STARD13: variants seen among roughly 807,000 people sequenced by gnomAD.
The protein encoded by STARD13 is stAR-related lipid transfer protein 13.
Under a neutral mutation model 106.4 loss-of-function variants are expected in STARD13, and 62 were observed. The ratio of observed to expected loss-of-function variants is 0.58; its 90% confidence interval spans 0.48 to 0.72. The LOEUF (loss-of-function observed/expected upper bound fraction) is 0.72. Among genes scored for constraint, STARD13 ranks in the 30% least tolerant of loss-of-function variants. STARD13 has a pLI of 0.00. For missense variants in STARD13, 1,387 were observed against 1,424.0 expected, an observed-to-expected ratio of 0.97 and a Z score of 0.42; for synonymous variants, 565 against 553.0, an observed-to-expected ratio of 1.02 and a Z score of -0.31.
At chr13:33,499,689 TTCTTCC>T in the STARD13 span, among the ~76,000 whole-genome samples, 13,912 of 126,248 alleles carry the variant, frequency 0.11, 2,247 homozygotes, top group African/African-American at 0.27. Context: ...CCTCTTTCTC[TTCTTCC>T]TCTTCCTCTT....
the STARD13 span, among the ~76,000 whole-genome samples, chr13:33,526,950 T>C: frequency 6.6e-6 from 1 of 152,130 alleles, no homozygotes. Context: ...TTTGAAGTGT[T>C]GTTTTTAGAA....
At chr13:33,334,813 A>T (rs2077875891) in intron 1 of STARD13, among the ~76,000 whole-genome samples, 1 of 152,166 alleles carries the variant, frequency 6.6e-6, no homozygotes, top group Non-Finnish European at 1.5e-5. Context: ...GTAAACTAAC[A>T]CCTGGAAAGG....
intron 3 of STARD13, 113 bp from the exon 4 acceptor site, chr13:33,142,486 T>G (rs1480797098): frequency 1.1e-5 from 10 of 923,488 alleles, no homozygotes; most frequent in Non-Finnish European, 1.7e-5. Context: ...CAACCAATTA[T>G]GTCCCAAGAC....
chr13:33,143,614 G>A (rs547984006), intron 3 of STARD13, among the ~76,000 whole-genome samples: 38 of 152,238 alleles, frequency 2.5e-4, no homozygotes, highest in South Asian at 1.7e-3. Context: ...GTGCAGTTTC[G>A]CAATCTCCGG....
chr13:33,536,255 C>T, the STARD13 span, among the ~76,000 whole-genome samples: 27 of 152,162 alleles, frequency 1.8e-4, no homozygotes, highest in African/African-American at 4.3e-4. Context: ...TTACATCATA[C>T]GTATTTTTAA....
chr13:33,129,832 C>T lies in STARD13; in HGVS notation c.845G>A (p.Gly282Asp), dbSNP rs1468278317. The change falls in exon 5 of 14, where the codon GGT becomes GAT. Residue 282 changes from glycine (G) to aspartate (D), a missense_variant. Transcript: ENST00000336934. ...HGRHKGSGRT[G>D]GLVISGPMLQ... is the part of the protein sequence containing the mutation. Reference sequence around the variant, plus strand: ...CATGGGCCCACTGATCACCAGGCCACCTGTCCGCCCAGACCCCTTATGCCT... The same window carrying T: ...CATGGGCCCACTGATCACCAGGCCATCTGTCCGCCCAGACCCCTTATGCCT... 6.2e-7 allele frequency: 1 copy of T among 1,613,078 alleles called. No homozygotes were observed. Among genetic ancestry groups the T allele is most frequent in the Non-Finnish European group, 8.5e-7 (1 of 1,180,034 alleles).
the STARD13 span, among the ~76,000 whole-genome samples, chr13:33,505,798 C>A: frequency 6.6e-6 from 1 of 152,204 alleles, no homozygotes; most frequent in South Asian, 2.1e-4. Context: ...GGTGGGTCCT[C>A]CACAAATATA....
chr13:33,323,600 C>G (rs895138312), intron 1 of STARD13, among the ~76,000 whole-genome samples: 3 of 152,216 alleles, frequency 2.0e-5, no homozygotes, highest in African/African-American at 7.2e-5. Context: ...ATACATGGTA[C>G]TTAGCTTCTC....
intron 8 of STARD13, among the ~76,000 whole-genome samples, chr13:33,116,368 A>G (rs1326831087): frequency 6.6e-6 from 1 of 152,080 alleles, no homozygotes; most frequent in African/African-American, 2.4e-5. Context: ...AAATTCTCCA[A>G]ATTTGTTGTG....
the STARD13 span, among the ~76,000 whole-genome samples, chr13:33,643,680 C>T: frequency 2.6e-5 from 4 of 152,250 alleles, no homozygotes; most frequent in African/African-American, 7.2e-5. Flanking sequence ...TGAACGGGTG[C>T]CAGTCTGCCA....
At chr13:33,334,127 A>G (rs1372919330) in intron 1 of STARD13, 4 of 152,262 alleles carry the variant, frequency 2.6e-5, no homozygotes, top group African/African-American at 9.6e-5. Context: ...AATAAGTCAT[A>G]TAATCTATCA....
the STARD13 span, among the ~76,000 whole-genome samples, chr13:33,576,886 A>C: frequency 6.6e-6 from 1 of 152,322 alleles, no homozygotes; most frequent in South Asian, 2.1e-4. Flanking sequence ...TTATAAAGGC[A>C]TTCTTAGTGA....
the STARD13 span, among the ~76,000 whole-genome samples, chr13:33,451,863 A>G: frequency 2.0e-5 from 3 of 152,212 alleles, no homozygotes; most frequent in Non-Finnish European, 4.4e-5. Context: ...GGAATAGGTT[A>G]ATAGAAAAGG....
the STARD13 span, among the ~76,000 whole-genome samples, chr13:33,624,407 C>G: frequency 1.3e-5 from 2 of 152,238 alleles, no homozygotes; most frequent in African/African-American, 4.8e-5. Context: ...TGCCTCTGTG[C>G]TTTTCAGTGC....
At chr13:33,469,627 A>G in the STARD13 span, among the ~76,000 whole-genome samples, 1 of 152,174 alleles carries the variant, frequency 6.6e-6, no homozygotes, top group Non-Finnish European at 1.5e-5. Context: ...ATTAGAGTAG[A>G]GGGATAGGGA....
chr13:33,117,814 T>A, intron 8 of STARD13: 1 of 982,962 alleles, frequency 1.0e-6, no homozygotes. Context: ...TTGTTTTAGA[T>A]CATACACAAA....
intron 1 of STARD13, among the ~76,000 whole-genome samples, chr13:33,218,457 C>T (rs1254355760): frequency 6.6e-6 from 1 of 152,196 alleles, no homozygotes; most frequent in East Asian, 1.9e-4. Context: ...TCTCAATAAA[C>T]CCTATGTCTC....
chr13:33,308,318 T>A (rs1013560953), intron 1 of STARD13, among the ~76,000 whole-genome samples: 2 of 152,206 alleles, frequency 1.3e-5, no homozygotes, highest in Non-Finnish European at 2.9e-5. Flanking sequence ...AGCTGAAGAC[T>A]GTTTTGAGGC....
intron 3 of STARD13, among the ~76,000 whole-genome samples, chr13:33,151,577 G>A (rs1881284689): frequency 6.6e-6 from 1 of 152,208 alleles, no homozygotes; most frequent in Non-Finnish European, 1.5e-5. Context: ...GAATTCCAAT[G>A]TGAGATTTGG....
Sources: gnomAD v4.1 joint callset for allele counts (sites outside exome capture counted in the v4.1 genomes callset) on GRCh38, gnomAD v4.1.1 for gene constraint, MANE v1.5 for transcripts, NCBI Gene and HGNC (gene_info 2026-07-23, HGNC 2026-07-21) for gene names.